The following KCNG2 variants were observed in gnomAD, a reference collection of about 807,000 sequenced individuals.
KCNG2 encodes the protein potassium voltage-gated channel modifier subfamily G member 2, also known as voltage-gated potassium channel regulatory subunit KCNG2.
A neutral mutation model predicts 12.3 loss-of-function variants in KCNG2; 7 were observed. That is an observed-to-expected ratio of 0.57 (90% CI 0.32 to 1.07). KCNG2 has a LOEUF of 1.07. KCNG2 is among the 50% of genes least tolerant of loss of function. The probability of loss-of-function intolerance (pLI) is 0.04; values close to 1 mark genes in which losing one functional copy is unlikely to be tolerated. For synonymous variants in KCNG2, 414 were observed against 351.4 expected, an observed-to-expected ratio of 1.18 and a Z score of -1.99; for missense variants, 703 against 726.0, an observed-to-expected ratio of 0.97 and a Z score of 0.36.
intron 3 of KCNG2, among the ~76,000 whole-genome samples, chr18:79,887,860 C>T (rs1420849298): frequency 2.0e-5 from 3 of 152,178 alleles, no homozygotes; most frequent in East Asian, 1.9e-4. Flanking sequence ...GCAGCCCACC[C>T]GCCTTGAATG....
chr18:79,880,393 C>T (rs1009631218), intron 3 of KCNG2, among the ~76,000 whole-genome samples: 6 of 151,124 alleles, frequency 4.0e-5, no homozygotes, highest in African/African-American at 1.5e-4. Context: ...TGCTCAGTCA[C>T]CAAAATTCAC....
intron 3 of KCNG2, among the ~76,000 whole-genome samples, chr18:79,895,075 A>T (rs1980912681): frequency 6.6e-6 from 1 of 151,138 alleles, no homozygotes; most frequent in African/African-American, 2.5e-5. Context: ...ATTCATAATG[A>T]TTGATATAGC....
In KCNG2 at chr18:79,877,335, G is replaced by A. The variant is rs557127897; in HGVS notation, c.624+13044G>A. 3.3e-5 allele frequency among the ~76,000 whole-genome samples: 5 copies of A among 152,284 alleles called. No individual in the cohort carries two copies. The South Asian group carries it at 8.3e-4, about 25-fold the overall frequency. ...TGGGTCCCTCCAGCGGCTGGCTCCC[G>A]GCTCTCAGTGGCCGCGGCTGTTTGC... On this transcript the variant is annotated intron_variant, in intron 3 of 3. Transcript: ENST00000316249.
At chr18:79,856,937 A>C (rs1478264548) in intron 2 of KCNG2, among the ~76,000 whole-genome samples, 1 of 144,752 alleles carries the variant, frequency 6.9e-6, no homozygotes, top group Non-Finnish European at 1.5e-5. Flanking sequence ...GCAGGTTTCC[A>C]TGACCTAAGC....
At chr18:79,885,395 G>A (rs935495982) in intron 3 of KCNG2, among the ~76,000 whole-genome samples, 5 of 152,130 alleles carry the variant, frequency 3.3e-5, no homozygotes, top group Admixed American at 6.5e-5. Context: ...TGAAAGTTCC[G>A]GAAACGTGCC....
chr18:79,827,186 T>A (rs1978286826), intron 1 of KCNG2, among the ~76,000 whole-genome samples: 1 of 152,064 alleles, frequency 6.6e-6, no homozygotes, highest in Admixed American at 6.5e-5. Flanking sequence ...CCCCACATGG[T>A]CATGGAGCTG....
At chr18:79,833,402 A>G (rs772731075) in intron 1 of KCNG2, among the ~76,000 whole-genome samples, 5 of 152,130 alleles carry the variant, frequency 3.3e-5, no homozygotes, top group African/African-American at 7.2e-5. Context: ...CAGCGTCCCA[A>G]CGTGCTGGGA....
chr18:79,855,455 C>T (rs1194912568), intron 1 of KCNG2, among the ~76,000 whole-genome samples: 3 of 152,234 alleles, frequency 2.0e-5, no homozygotes, highest in East Asian at 3.9e-4. Flanking sequence ...GGAACTGCCG[C>T]TTTGACTGGT....
intron 3 of KCNG2, among the ~76,000 whole-genome samples, chr18:79,897,414 G>T (rs549755538): frequency 6.6e-6 from 1 of 151,800 alleles, no homozygotes. Context: ...CAGAATTTCC[G>T]TTTGGGTATT....
chr18:79,872,891 C>G (rs74917789), intron 3 of KCNG2, among the ~76,000 whole-genome samples: 2,222 of 152,306 alleles, frequency 0.015, 25 homozygotes, highest in Non-Finnish European at 0.021. Context: ...ACGAGGGAAG[C>G]GAAGCCTCGT....
chr18:79,867,383 G>A (rs1254813800), intron 3 of KCNG2, among the ~76,000 whole-genome samples: 3 of 150,898 alleles, frequency 2.0e-5, no homozygotes, highest in East Asian at 2.0e-4. Flanking sequence ...CATGTGTCAT[G>A]TCTGGGGAAG....
At chr18:79,811,075 A>G (rs552145848) in intron 1 of KCNG2, among the ~76,000 whole-genome samples, 49 of 152,356 alleles carry the variant, frequency 3.2e-4, no homozygotes, top group Non-Finnish European at 6.2e-4. Context: ...TGCTGAAAGA[A>G]ATTACAGACC....
At chr18:79,808,018 C>T (rs1460902430) in intron 1 of KCNG2, among the ~76,000 whole-genome samples, 1 of 127,038 alleles carries the variant, frequency 7.9e-6, no homozygotes, top group Non-Finnish European at 1.6e-5. Context: ...GAGGAGCTGC[C>T]GGGGCCGCGC....
chr18:79,853,034 GC>G (rs1369665481), intron 1 of KCNG2, among the ~76,000 whole-genome samples: 7 of 152,224 alleles, frequency 4.6e-5, no homozygotes, highest in African/African-American at 1.4e-4. Flanking sequence ...TGTGCTGGAC[GC>G]CGAGAGCATC....
chr18:79,801,884 G>A (rs2087412317), intron 1 of KCNG2, among the ~76,000 whole-genome samples: 1 of 152,200 alleles, frequency 6.6e-6, no homozygotes, highest in South Asian at 2.1e-4. Context: ...GGGATTCATT[G>A]CCCGCGTTTC....
At chr18:79,829,626 G>A (rs1978290515) in intron 1 of KCNG2, among the ~76,000 whole-genome samples, 1 of 152,044 alleles carries the variant, frequency 6.6e-6, no homozygotes, top group Non-Finnish European at 1.5e-5. Context: ...CCTCTCTACA[G>A]CTGGTCGGAC....
chr18:79,872,029 G>A (rs538786715), intron 3 of KCNG2, among the ~76,000 whole-genome samples: 45 of 150,580 alleles, frequency 3.0e-4, no homozygotes, highest in African/African-American at 1.0e-3. Context: ...GCGGCCGGCC[G>A]CACACCCCTC....
chr18:79,810,203 G>GA (rs1568242132), intron 1 of KCNG2, among the ~76,000 whole-genome samples: 1 of 152,094 alleles, frequency 6.6e-6, no homozygotes, highest in East Asian at 1.9e-4. Context: ...TAGTCTAAAG[G>GA]AAAAAAATCA....
At chr18:79,860,391 G>A (rs1345138683) in intron 2 of KCNG2, among the ~76,000 whole-genome samples, 1 of 152,172 alleles carries the variant, frequency 6.6e-6, no homozygotes, top group African/African-American at 2.4e-5. Flanking sequence ...ACAATATTAA[G>A]TCTTCCAATA....
Sources: gnomAD v4.1 joint callset for allele counts (sites outside exome capture counted in the v4.1 genomes callset) on GRCh38, gnomAD v4.1.1 for gene constraint, MANE v1.5 for transcripts, NCBI Gene and HGNC (gene_info 2026-07-23, HGNC 2026-07-21) for gene names.